The following SUSD4 variants were observed in gnomAD, a reference collection of about 807,000 sequenced individuals.
SUSD4 encodes the protein sushi domain containing 4.
A neutral mutation model predicts 50.5 loss-of-function variants in SUSD4; 41 were observed. The observed-to-expected ratio is 0.81, with a 90% CI of 0.63 to 1.05. The LOEUF (loss-of-function observed/expected upper bound fraction) is 1.05. Ranked by LOEUF, SUSD4 falls within the 50% of genes least tolerant of loss-of-function variation. SUSD4 has a pLI of 0.00. For missense variants in SUSD4, 580 were observed against 634.7 expected, an observed-to-expected ratio of 0.91 and a Z score of 0.93; for synonymous variants, 257 against 257.3, an observed-to-expected ratio of 1.00 and a Z score of 0.01.
chr1:223,296,396 A>C (rs1664825427), intron 2 of SUSD4, among the ~76,000 whole-genome samples: 2 of 152,104 alleles, frequency 1.3e-5, no homozygotes, highest in Non-Finnish European at 2.9e-5. Flanking sequence ...AAGGGGGAAG[A>C]GTTCAGTGTG....
At chr1:223,269,325 G>A (rs540630326) in intron 3 of SUSD4, among the ~76,000 whole-genome samples, 1 of 152,292 alleles carries the variant, frequency 6.6e-6, no homozygotes, top group Admixed American at 6.5e-5. Context: ...AGAGCAAAAG[G>A]CACGTTTATA....
rs1666118229 is a variant in SUSD4, at chr1:223,315,315, A to G, written c.149-22664T>C. Among the ~76,000 whole-genome samples, 6 of 152,336 alleles carry G rather than the reference A, an allele frequency of 3.9e-5. No individual in the cohort carries two copies. The South Asian group carries it at 1.2e-3, about 32-fold the overall frequency. ...GTGTAGACATAAACCATTACCAGCC[A>G]TTATTCTGGAGGTCAGAAGATACCT... On this transcript the variant is annotated intron_variant, in intron 2 of 8. Transcript: ENST00000366878.
chr1:223,264,031 T>A (rs1231935260), intron 5 of SUSD4: 2 of 985,334 alleles, frequency 2.0e-6, no homozygotes, highest in East Asian at 2.3e-4. Flanking sequence ...CAGAAGTGTT[T>A]ACAGGCTTTT....
At chr1:223,336,453 G>A (rs552414217) in intron 2 of SUSD4, among the ~76,000 whole-genome samples, 2 of 152,322 alleles carry the variant, frequency 1.3e-5, no homozygotes, top group Non-Finnish European at 2.9e-5. Context: ...GTAGCCGCAT[G>A]ACCAGTCAGA....
At chr1:223,346,051 T>G (rs1367376249) in intron 2 of SUSD4, among the ~76,000 whole-genome samples, 2 of 152,182 alleles carry the variant, frequency 1.3e-5, no homozygotes, top group African/African-American at 4.8e-5. Context: ...TACGGACACT[T>G]GAGGCTGATC....
intron 5 of SUSD4, among the ~76,000 whole-genome samples, chr1:223,259,316 G>C (rs1398891202): frequency 6.6e-6 from 1 of 152,160 alleles, no homozygotes; most frequent in East Asian, 1.9e-4. Flanking sequence ...TTTATCTAGA[G>C]TGTTGTTGAA....
intron 2 of SUSD4, among the ~76,000 whole-genome samples, chr1:223,336,666 A>C (rs1255308136): frequency 2.0e-5 from 3 of 152,158 alleles, no homozygotes; most frequent in Non-Finnish European, 4.4e-5. Context: ...TCATTTATGC[A>C]GTAGTATCTG....
chr1:223,301,961 C>G (rs1020937146), intron 2 of SUSD4, among the ~76,000 whole-genome samples: 1 of 152,120 alleles, frequency 6.6e-6, no homozygotes, highest in Non-Finnish European at 1.5e-5. Flanking sequence ...TGTCCCCACC[C>G]AAAATCTCAT....
intron 2 of SUSD4, among the ~76,000 whole-genome samples, chr1:223,323,444 A>G (rs1666701556): frequency 6.6e-6 from 1 of 151,864 alleles, no homozygotes; most frequent in Non-Finnish European, 1.5e-5. Flanking sequence ...GGCCCCAGAG[A>G]GCACTCACAA....
chr1:223,272,174 C>T (rs2103092677), intron 3 of SUSD4, among the ~76,000 whole-genome samples: 1 of 152,310 alleles, frequency 6.6e-6, no homozygotes, highest in Admixed American at 6.5e-5. Flanking sequence ...TTGCAGTGAG[C>T]CAAGATCACA....
chr1:223,280,669 A>G (rs1571960630), intron 3 of SUSD4, among the ~76,000 whole-genome samples: 3 of 152,282 alleles, frequency 2.0e-5, no homozygotes, highest in South Asian at 2.1e-4. Flanking sequence ...TCAACATTAC[A>G]CAGACCAACG....
Position 223,231,250 on chromosome 1 carries a change from T to C in SUSD4, c.725-1862A>G, listed in dbSNP as rs1002302763. 2.0e-5 allele frequency among the ~76,000 whole-genome samples: 3 copies of C among 151,838 alleles called. No homozygotes were observed. The highest frequency in any genetic ancestry group is 2.9e-5 in the Non-Finnish European group (2 of 67,944). The stretch of plus-strand genomic sequence containing the variant: ...CCAGGCTCCCTCTGGACAAAGCCAG[T>C]GGGGAGCCAGGTGACAAGGGGGTCT... On this transcript the variant is annotated intron_variant, in intron 5 of 8. Coordinates refer to ENST00000366878, the MANE Select transcript of SUSD4 (RefSeq NM_017982.4). The surrounding 1 kb of genome is among the most constrained non-coding windows in gnomAD (Gnocchi z 4.2).
chr1:223,260,782 C>T lies in SUSD4; in HGVS notation c.724+3848G>A, dbSNP rs373338135. On this transcript the variant is annotated intron_variant, in intron 5 of 8. Transcript: ENST00000366878. ...GCAATAGTGCAGGCCTTAAAACATG[C>T]GACCCACATCTTCGTAGTGGGCTTC... Among the ~76,000 whole-genome samples, 56 of 152,310 alleles carry T rather than the reference C, an allele frequency of 3.7e-4. No individual in the cohort carries two copies. In the South Asian group the frequency reaches 7.0e-3, roughly 19 times the overall value.
At chr1:223,246,666 C>A (rs1660954739) in intron 5 of SUSD4, among the ~76,000 whole-genome samples, 2 of 152,152 alleles carry the variant, frequency 1.3e-5, no homozygotes, top group African/African-American at 2.4e-5. Context: ...TGGACACAGG[C>A]CTCAGCAGAT....
At chr1:223,285,844 G>A (rs544588775) in intron 3 of SUSD4, among the ~76,000 whole-genome samples, 3 of 152,194 alleles carry the variant, frequency 2.0e-5, no homozygotes, top group East Asian at 1.9e-4. Context: ...TTACTTGAGG[G>A]TGGAGAGCGG....
intron 3 of SUSD4, among the ~76,000 whole-genome samples, chr1:223,282,019 C>T (rs569999785): frequency 2.0e-5 from 3 of 152,226 alleles, no homozygotes; most frequent in African/African-American, 7.2e-5. Flanking sequence ...ATGGAAAAGG[C>T]CTTTGACAAA....
At chr1:223,278,115 C>T (rs779613992) in intron 3 of SUSD4, among the ~76,000 whole-genome samples, 16 of 152,142 alleles carry the variant, frequency 1.1e-4, no homozygotes, top group Non-Finnish European at 1.6e-4. Flanking sequence ...GGAACAGCTC[C>T]GGTCTATGGT....
chr1:223,263,674 A>G (rs1332309889), intron 5 of SUSD4: 5 of 985,280 alleles, frequency 5.1e-6, no homozygotes, highest in Admixed American at 1.2e-4. Flanking sequence ...CCACATCCCT[A>G]GAGAGGCCGT....
At position 223,264,672 on chromosome 1, in the gene SUSD4, G is replaced by A. The variant is rs764309508; in HGVS notation, c.682C>T (p.Leu228Phe). 5 of 1,614,202 alleles carry A rather than the reference G, an allele frequency of 3.1e-6. No individual in the cohort carries two copies. The highest frequency in any genetic ancestry group is 3.4e-6 in the Non-Finnish European group (4 of 1,180,044). ...CGGGGTGGGCTGGACGACCAGATAA[G>A]GTTTTGTAAGCACTCAAGATACGCA... ...GSAYLECLQN[L>F]IWSSSPPRCL... The change falls in exon 5 of 9, where the codon CTT (leucine) becomes TTT (phenylalanine). Residue 228 changes from leucine (L) to phenylalanine (F), a missense_variant. Physicochemically the swap from Leu to Phe is conservative, Grantham distance 22. Transcript: ENST00000366878.
Sources: gnomAD v4.1 joint callset for allele counts (sites outside exome capture counted in the v4.1 genomes callset) on GRCh38, gnomAD v4.1.1 for gene constraint, Gnocchi (gnomAD v3.1) non-coding constraint, MANE v1.5 for transcripts, NCBI Gene and HGNC (gene_info 2026-07-23, HGNC 2026-07-21) for gene names.